GPC5: variants seen among roughly 807,000 people sequenced by gnomAD.
The protein encoded by GPC5 is glypican 5.
A neutral mutation model predicts 53.9 loss-of-function variants in GPC5; 47 were observed. The observed-to-expected ratio is 0.87, with a 90% CI of 0.69 to 1.11. The LOEUF (loss-of-function observed/expected upper bound fraction) is 1.11. Ranked by LOEUF, GPC5 falls within the 50% of genes most tolerant of loss-of-function variation. The pLI is 0.00. For synonymous variants in GPC5, 286 were observed against 263.3 expected (o/e 1.09, Z -0.84); for missense variants, 748 against 713.1 (o/e 1.05, Z -0.56).
intron 2 of GPC5, among the ~76,000 whole-genome samples, chr13:91,571,034 G>T (rs2138992697): frequency 6.6e-6 from 1 of 152,132 alleles, no homozygotes; most frequent in East Asian, 1.9e-4. Context: ...TGATAGTTCA[G>T]TCTGTATGCA....
At chr13:92,462,728 T>TG (rs1302324352) in intron 7 of GPC5, among the ~76,000 whole-genome samples, 1 of 151,178 alleles carries the variant, frequency 6.6e-6, no homozygotes, top group Non-Finnish European at 1.5e-5. Context: ...CTTTTTTTTT[T>TG]TTTTTCGCCC....
chr13:92,471,772 A>G (rs1374264918), intron 7 of GPC5, among the ~76,000 whole-genome samples: 1 of 152,082 alleles, frequency 6.6e-6, no homozygotes, highest in Non-Finnish European at 1.5e-5. Context: ...TTTTGTGAGG[A>G]TTTGTGTGAA....
chr13:92,474,694 T>C (rs977165745), intron 7 of GPC5, among the ~76,000 whole-genome samples: 1 of 151,680 alleles, frequency 6.6e-6, no homozygotes, highest in African/African-American at 2.4e-5. Context: ...AGCTATAAAA[T>C]GAACTACAAG....
At chr13:92,425,455 A>C (rs1360446240) in intron 7 of GPC5, among the ~76,000 whole-genome samples, 1 of 152,050 alleles carries the variant, frequency 6.6e-6, no homozygotes, top group African/African-American at 2.4e-5. Flanking sequence ...CTGAAAAAAA[A>C]TTACCACGAC....
intron 7 of GPC5, among the ~76,000 whole-genome samples, chr13:92,408,389 C>T (rs1875884773): frequency 6.6e-6 from 1 of 152,086 alleles, no homozygotes; most frequent in Non-Finnish European, 1.5e-5. Context: ...TCCCCTGTAG[C>T]TTGTTATATT....
chr13:91,647,070 CGTGTGTGTGTGTGTGT>C (rs66824666), intron 2 of GPC5, among the ~76,000 whole-genome samples: 159 of 144,120 alleles, frequency 1.1e-3, no homozygotes, highest in East Asian at 4.6e-3. Context: ...TATATATATG[CGTGTGTGTGTGTGTGT>C]GTGTGTGTGT....
chr13:91,689,311 G>C (rs2035704204), intron 2 of GPC5, among the ~76,000 whole-genome samples: 1 of 146,140 alleles, frequency 6.8e-6, no homozygotes, highest in African/African-American at 2.5e-5. Flanking sequence ...GAGCTTGCAA[G>C]ATTAGAAGTT....
chr13:92,128,287 T>G (rs2041716225), intron 6 of GPC5, among the ~76,000 whole-genome samples: 1 of 152,156 alleles, frequency 6.6e-6, no homozygotes. Flanking sequence ...GAGTGGTTCA[T>G]AGTAGTTTTC....
chr13:91,778,906 T>C (rs141533944), intron 5 of GPC5, among the ~76,000 whole-genome samples: 27 of 152,358 alleles, frequency 1.8e-4, no homozygotes, highest in African/African-American at 6.5e-4. Flanking sequence ...AGCCTATTGC[T>C]ACTAGGCTAC....
chr13:91,885,342 T>G (rs972882931), intron 5 of GPC5, among the ~76,000 whole-genome samples: 3 of 152,190 alleles, frequency 2.0e-5, no homozygotes, highest in African/African-American at 7.2e-5. Context: ...AAGCCTAACA[T>G]TTTAGTTTTA....
intron 7 of GPC5, among the ~76,000 whole-genome samples, chr13:92,702,520 C>T (rs1378753941): frequency 6.6e-6 from 1 of 152,040 alleles, no homozygotes; most frequent in Admixed American, 6.6e-5. Flanking sequence ...ACCCCATGAT[C>T]CGTCAGAAGC....
intron 7 of GPC5, among the ~76,000 whole-genome samples, chr13:92,624,790 T>TA (rs1884994371): frequency 6.6e-6 from 1 of 152,194 alleles, no homozygotes; most frequent in Non-Finnish European, 1.5e-5. Context: ...ACACAATCTC[T>TA]AAGGCTCTAA....
chr13:91,515,138 A>G (rs980159257), intron 2 of GPC5, among the ~76,000 whole-genome samples: 2 of 152,214 alleles, frequency 1.3e-5, no homozygotes, highest in African/African-American at 4.8e-5. Context: ...TAGTAGACAG[A>G]ATTACTTAAA....
intron 7 of GPC5, among the ~76,000 whole-genome samples, chr13:92,467,050 C>A (rs1878719762): frequency 6.6e-6 from 1 of 152,116 alleles, no homozygotes; most frequent in Non-Finnish European, 1.5e-5. Context: ...GCCTCCATTT[C>A]CCAAAGGTAG....
intron 7 of GPC5, among the ~76,000 whole-genome samples, chr13:92,759,019 T>TTTTC (rs1875040744): frequency 7.1e-6 from 1 of 140,134 alleles, no homozygotes; most frequent in African/African-American, 2.6e-5. Flanking sequence ...TTTTTTTTTT[T>TTTTC]GGTGCTGTCA....
At chr13:91,936,964 C>T (rs573272302) in intron 6 of GPC5, among the ~76,000 whole-genome samples, 25 of 152,046 alleles carry the variant, frequency 1.6e-4, no homozygotes, top group Non-Finnish European at 3.1e-4. Flanking sequence ...CTACTGCTGA[C>T]GGCTTATCTC....
At chr13:91,700,226 C>T (rs1008110062) in intron 3 of GPC5, among the ~76,000 whole-genome samples, 7 of 152,132 alleles carry the variant, frequency 4.6e-5, no homozygotes, top group African/African-American at 1.7e-4. Context: ...CTAATGAAGA[C>T]TCATGTACCT....
chr13:91,988,532 A>T (rs1453099490), intron 6 of GPC5, among the ~76,000 whole-genome samples: 1 of 152,192 alleles, frequency 6.6e-6, no homozygotes, highest in African/African-American at 2.4e-5. Flanking sequence ...AGGAACAGCA[A>T]TCTGGAAGAT....
intron 2 of GPC5, among the ~76,000 whole-genome samples, chr13:91,601,474 C>G (rs554153094): frequency 1.3e-5 from 2 of 152,232 alleles, no homozygotes; most frequent in African/African-American, 2.4e-5. Flanking sequence ...CCTACCAGTC[C>G]GTGGCCTGTT....
Sources: gnomAD v4.1 joint callset for allele counts (sites outside exome capture counted in the v4.1 genomes callset) on GRCh38, gnomAD v4.1.1 for gene constraint, MANE v1.5 for transcripts, NCBI Gene and HGNC (gene_info 2026-07-23, HGNC 2026-07-21) for gene names.